Variants in ADAMTS17 observed in about 807,000 individuals in gnomAD.
ADAMTS17 encodes the protein A disintegrin and metalloproteinase with thrombospondin motifs 17.
ADAMTS17 carries 113 observed loss-of-function variants against 141.5 expected under a neutral mutation model. That is an observed-to-expected ratio of 0.80 (90% CI 0.69 to 0.93). The LOEUF is 0.93. ADAMTS17 is among the 40% of genes least tolerant of loss of function. The pLI, the probability that ADAMTS17 is intolerant of heterozygous loss-of-function variation, is 0.00. For missense variants in ADAMTS17, 1,659 were observed against 1,517.9 expected, an observed-to-expected ratio of 1.09 and a Z score of -1.54; for synonymous variants, 768 against 630.6, an observed-to-expected ratio of 1.22 and a Z score of -3.27.
chr15:100,162,380 A>G (rs909660880), intron 8 of ADAMTS17, among the ~76,000 whole-genome samples: 1 of 147,338 alleles, frequency 6.8e-6, no homozygotes, highest in Non-Finnish European at 1.5e-5. Context: ...TATATATGTT[A>G]TATATATAAC....
At chr15:100,328,300 CCTAA>C (rs1210755522) in intron 3 of ADAMTS17, among the ~76,000 whole-genome samples, 1 of 152,174 alleles carries the variant, frequency 6.6e-6, no homozygotes, top group African/African-American at 2.4e-5. Flanking sequence ...CTAGATAGGG[CCTAA>C]CTGACTGCTC....
intron 3 of ADAMTS17, among the ~76,000 whole-genome samples, chr15:100,322,414 A>C (rs115024619): frequency 0.018 from 2,699 of 152,306 alleles, 90 homozygotes; most frequent in African/African-American, 0.061. Context: ...TTGAGTTGCC[A>C]CCCAAGATAC....
Position 100,133,327 on chromosome 15 carries a change from G to GC in ADAMTS17, c.1474-13_1474-12insG. The GC allele has an allele frequency of 6.4e-7, 1 of 1,570,192 alleles. No homozygotes were observed. The highest frequency in any genetic ancestry group is 8.7e-7 in the Non-Finnish European group (1 of 1,154,878). The stretch of plus-strand genomic sequence containing the variant: ...GCACACATTAGATGCTGCAGGACAA[G>GC]GGAAGGAACCATAATTGTGGAGAAC... On this transcript the variant is annotated splice_polypyrimidine_tract_variant and intron_variant, in intron 10 of 21. Transcript: ENST00000268070.
intron 15 of ADAMTS17, among the ~76,000 whole-genome samples, chr15:100,069,722 C>T (rs191772603): frequency 0.028 from 4,269 of 151,310 alleles, 200 homozygotes; most frequent in African/African-American, 0.099. Context: ...CAGGCCTGCC[C>T]TACAAGAGCT....
intron 20 of ADAMTS17, among the ~76,000 whole-genome samples, chr15:99,982,686 G>T (rs988912633): frequency 1.3e-5 from 2 of 152,188 alleles, no homozygotes; most frequent in African/African-American, 2.4e-5. Context: ...GTCTTGTTTG[G>T]TCCTTTTGTC....
intron 7 of ADAMTS17, among the ~76,000 whole-genome samples, chr15:100,230,241 C>T (rs187906556): frequency 2.0e-5 from 3 of 152,364 alleles, no homozygotes; most frequent in African/African-American, 4.8e-5. Context: ...GAAAGCCACA[C>T]TTGCAGACCC....
At position 100,072,685 on chromosome 15, in the gene ADAMTS17, G is replaced by A. The variant is rs1387766794; in HGVS notation, c.2138-18631C>T. 5.9e-4 allele frequency among the ~76,000 whole-genome samples: 89 copies of A among 152,102 alleles called. 1 individual carries two copies. Among genetic ancestry groups the A allele is most frequent in the South Asian group, 4.1e-4 (2 of 4,826 alleles). On this transcript the variant is annotated intron_variant, in intron 15 of 21. Coordinates refer to ENST00000268070, the MANE Select transcript of ADAMTS17 (RefSeq NM_139057.4). ...GATTCCCTATTTAATAAATGGTGGC[G>A]GGAAAACTGGCTAGCCATATGTAGA...
At position 100,154,786 on chromosome 15, in the gene ADAMTS17, A is replaced by G. The variant is rs141830972; in HGVS notation, c.1322+394T>C. ...AAACCCACCCCTCATCCCCCAGCAA[A>G]TTCACTCCCTCTCTAGGCAAGCGGC... is the stretch of plus-strand genomic sequence containing the variant. On this transcript the variant is annotated intron_variant, in intron 9 of 21. Coordinates refer to ENST00000268070, the MANE Select transcript of ADAMTS17 (RefSeq NM_139057.4). Among the ~76,000 whole-genome samples the G allele has an allele frequency of 3.3e-5, 5 of 151,902 alleles. No individual in the cohort carries two copies. The East Asian group carries it at 9.7e-4, about 30-fold the overall frequency.
intron 3 of ADAMTS17, among the ~76,000 whole-genome samples, chr15:100,290,819 C>T (rs2044602355): frequency 6.6e-6 from 1 of 152,096 alleles, no homozygotes; most frequent in Non-Finnish European, 1.5e-5. Flanking sequence ...AAATTGGACC[C>T]CTTCCTCTCA....
chr15:99,989,241 C>T (rs765684555), intron 20 of ADAMTS17, among the ~76,000 whole-genome samples: 11 of 152,274 alleles, frequency 7.2e-5, no homozygotes, highest in South Asian at 4.2e-4. Flanking sequence ...AGTGACATGA[C>T]GCACAGGGGT....
At position 99,974,249 on chromosome 15, in the gene ADAMTS17, G is replaced by A; in HGVS notation, c.*153C>T. The A allele has an allele frequency of 3.3e-6, 3 of 909,712 alleles. No homozygotes were observed. Among genetic ancestry groups the A allele is most frequent in the Non-Finnish European group, 1.7e-6 (1 of 577,994 alleles). The allele number at this position is 909,712 out of a possible 1,614,324, so 56.4% of individuals were successfully genotyped here. ...TGTTAACAATATATTAAGTACGGAA[G>A]CACTAATGGCAAACGCCAAGTCCAC... is the stretch of plus-strand genomic sequence containing the variant. On this transcript the variant is annotated 3_prime_UTR_variant, in exon 22 of 22. Coordinates refer to ENST00000268070, the MANE Select transcript of ADAMTS17 (RefSeq NM_139057.4).
chr15:100,132,081 C>T lies in ADAMTS17; in HGVS notation c.1647G>A (p.Trp549Ter). The change falls in exon 12 of 22, where the codon TGG becomes TGA. Residue 549 changes from tryptophan (W) to a stop codon, truncating the protein, a stop_gained. Transcript: ENST00000268070. LOFTEE classifies it high-confidence loss of function. ...PEHVDGDWSP[W>*]GAWSMCSRTC... ...TTCGGCTGCACATGCTCCAGGCGCC[C>T]CACGGGCTCCAGTCTCCGTCCACAT... The T allele has an allele frequency of 6.2e-7, 1 of 1,614,172 alleles. No individual in the cohort carries two copies. The highest frequency in any genetic ancestry group is 8.5e-7 in the Non-Finnish European group (1 of 1,180,026).
rs1413809162 is a variant in ADAMTS17 at position 99,974,027 on chromosome 15, TGTTTCCTCCATGATATACCA to T, written c.*355_*374del. On this transcript the variant is annotated 3_prime_UTR_variant, in exon 22 of 22. Transcript: ENST00000268070. ...TTTCTAGCATGTCTCGTTTTGGGGA[TGTTTCCTCCATGATATACCA>T]AGCACTGGAAATTCAAATGTCAAAA... 2.0e-4 allele frequency: 69 copies of T among 336,868 alleles called. No individual in the cohort carries two copies. The highest frequency in any genetic ancestry group is 6.2e-5 in the Non-Finnish European group (11 of 176,014). The allele number at this position is 336,868 out of a possible 1,614,324, so 20.9% of individuals were successfully genotyped here.
intron 20 of ADAMTS17, chr15:99,979,274 A>C (rs2060432393): frequency 6.6e-6 from 1 of 152,098 alleles, no homozygotes; most frequent in African/African-American, 2.4e-5. Context: ...CTGTAATCCT[A>C]GCTACTCGGG....
chr15:100,061,680 G>A (rs372922930), intron 15 of ADAMTS17, among the ~76,000 whole-genome samples: 1 of 152,240 alleles, frequency 6.6e-6, no homozygotes, highest in East Asian at 1.9e-4. Flanking sequence ...AGACACTCAG[G>A]GCTGAGCCAG....
intron 7 of ADAMTS17, among the ~76,000 whole-genome samples, chr15:100,240,486 A>G (rs2042796660): frequency 6.6e-6 from 1 of 152,230 alleles, no homozygotes; most frequent in African/African-American, 2.4e-5. Flanking sequence ...AGAGCAAGAC[A>G]TGAATTTGTA....
intron 8 of ADAMTS17, among the ~76,000 whole-genome samples, chr15:100,174,246 A>ATGCAGTTTC (rs2040258034): frequency 6.7e-6 from 1 of 150,322 alleles, no homozygotes; most frequent in African/African-American, 2.5e-5. Flanking sequence ...TCAGATTCCC[A>ATGCAGTTTC]ATTTTGGGTG....
chr15:100,256,759 A>C (rs553490710), intron 6 of ADAMTS17: 1 of 152,500 alleles, frequency 6.6e-6, no homozygotes, highest in East Asian at 1.9e-4. Context: ...AGGCTCGAGG[A>C]GGAGTTCTCG....
chr15:100,282,216 G>C (rs868061829), intron 3 of ADAMTS17, among the ~76,000 whole-genome samples: 3 of 152,230 alleles, frequency 2.0e-5, no homozygotes, highest in Non-Finnish European at 4.4e-5. Flanking sequence ...TAAACAGGAA[G>C]TCTCTCTCAT....
Sources: allele counts gnomAD v4.1 joint callset (sites outside exome capture counted in the v4.1 genomes callset), GRCh38; gene constraint gnomAD v4.1.1; transcripts MANE v1.5; gene names NCBI Gene and HGNC (gene_info 2026-07-23, HGNC 2026-07-21).